IGSF5: variants seen among roughly 807,000 people sequenced by gnomAD.
The protein encoded by IGSF5 is immunoglobulin superfamily 5 like.
Under a neutral mutation model 39.4 loss-of-function variants are expected in IGSF5, and 41 were observed. The observed-to-expected ratio is 1.04, with a 90% confidence interval of 0.81 to 1.35. The LOEUF is 1.35. Ranked by LOEUF, IGSF5 falls within the 40% of genes most tolerant of loss-of-function variation. The pLI is 0.00. For synonymous variants in IGSF5, 183 were observed against 175.3 expected (o/e 1.04, Z -0.34); for missense variants, 487 against 494.6 (o/e 0.98, Z 0.15).
intron 2 of IGSF5, among the ~76,000 whole-genome samples, chr21:39,762,723 T>C (rs1450881147): frequency 6.6e-6 from 1 of 152,222 alleles, no homozygotes; most frequent in Non-Finnish European, 1.5e-5. Context: ...TTACCTGTCA[T>C]GTGATGCTAT....
At chr21:39,761,219 C>G (rs2080060186) in intron 2 of IGSF5, among the ~76,000 whole-genome samples, 1 of 152,200 alleles carries the variant, frequency 6.6e-6, no homozygotes, top group Non-Finnish European at 1.5e-5. Flanking sequence ...AAGAATAAAA[C>G]TAGGCCCTTA....
At chr21:39,780,021 T>G (rs1040075058) in intron 5 of IGSF5, among the ~76,000 whole-genome samples, 2 of 152,170 alleles carry the variant, frequency 1.3e-5, no homozygotes, top group African/African-American at 4.8e-5. Context: ...ATTGTGTACT[T>G]GAAAATTGCT....
chr21:39,727,259 C>A, the IGSF5 span, among the ~76,000 whole-genome samples: 2 of 152,226 alleles, frequency 1.3e-5, no homozygotes, highest in African/African-American at 2.4e-5. Flanking sequence ...CTGAGGTTCA[C>A]AGTAAAGGTT....
At chr21:39,777,924 G>C (rs2080149189) in intron 4 of IGSF5, among the ~76,000 whole-genome samples, 1 of 152,122 alleles carries the variant, frequency 6.6e-6, no homozygotes, top group African/African-American at 2.4e-5. Flanking sequence ...GATGGCCATT[G>C]ATTTCAAAGC....
At chr21:39,712,867 T>C in the IGSF5 span, among the ~76,000 whole-genome samples, 2 of 152,170 alleles carry the variant, frequency 1.3e-5, no homozygotes, top group African/African-American at 4.8e-5. Context: ...TTTGAATTTT[T>C]CTTCTTGTAA....
intron 2 of IGSF5, among the ~76,000 whole-genome samples, chr21:39,762,763 C>T (rs1077590): frequency 0.81 from 122,350 of 151,604 alleles, 49,536 homozygotes; most frequent in Admixed American, 0.85. Context: ...GCAGCCCCCA[C>T]TATATAGTGT....
At chr21:39,754,989 A>G (rs561469984) in intron 2 of IGSF5, among the ~76,000 whole-genome samples, 3 of 152,260 alleles carry the variant, frequency 2.0e-5, no homozygotes, top group Non-Finnish European at 2.9e-5. Context: ...TCTTTCATAC[A>G]GAGATGAAAT....
At chr21:39,739,154 T>A in the IGSF5 span, among the ~76,000 whole-genome samples, 1 of 152,064 alleles carries the variant, frequency 6.6e-6, no homozygotes, top group Non-Finnish European at 1.5e-5. Flanking sequence ...GATCTTGAAC[T>A]CCTGACCTCA....
the IGSF5 span, among the ~76,000 whole-genome samples, chr21:39,711,883 C>T: frequency 1.3e-5 from 2 of 152,132 alleles, no homozygotes; most frequent in Admixed American, 1.3e-4. Context: ...CAGATGGTGA[C>T]ACCTTTTCTT....
the IGSF5 span, among the ~76,000 whole-genome samples, chr21:39,712,672 C>T: frequency 1.3e-5 from 2 of 152,132 alleles, no homozygotes; most frequent in Admixed American, 6.5e-5. Flanking sequence ...TTCATTGGGC[C>T]ACTACTGGAG....
chr21:39,777,938 C>A (rs992937493), intron 4 of IGSF5, among the ~76,000 whole-genome samples: 1 of 152,154 alleles, frequency 6.6e-6, no homozygotes, highest in Non-Finnish European at 1.5e-5. Context: ...TCAAAGCAAA[C>A]CCCATGTTCC....
the IGSF5 span, among the ~76,000 whole-genome samples, chr21:39,723,180 C>T: frequency 6.6e-6 from 1 of 152,196 alleles, no homozygotes; most frequent in African/African-American, 2.4e-5. Context: ...AGGGCCTCAT[C>T]TGAAGGCTCC....
chr21:39,792,702 A>G (rs967454054), intron 7 of IGSF5, among the ~76,000 whole-genome samples: 2 of 152,168 alleles, frequency 1.3e-5, no homozygotes, highest in Non-Finnish European at 2.9e-5. Context: ...CTGGAAAACT[A>G]GACCTACTTT....
At chr21:39,772,690 T>A (rs1214336877) in intron 4 of IGSF5, among the ~76,000 whole-genome samples, 3 of 152,224 alleles carry the variant, frequency 2.0e-5, no homozygotes, top group Non-Finnish European at 2.9e-5. Context: ...GCAAGATGCC[T>A]CTCAATTTGG....
upstream of IGSF5, among the ~76,000 whole-genome samples, chr21:39,743,506 C>G (rs1057127284): frequency 6.6e-6 from 1 of 152,190 alleles, no homozygotes; most frequent in Non-Finnish European, 1.5e-5. Context: ...CTCCTCCTCC[C>G]GCTGCTTGGA....
At chr21:39,791,861 C>G (rs2086967302) in intron 6 of IGSF5, 147 bp from the exon 7 acceptor site, 7 of 597,712 alleles carry the variant, frequency 1.2e-5, no homozygotes, top group African/African-American at 1.9e-5. Context: ...AACGCAGCGG[C>G]AAAGCTATGG....
At chr21:39,744,622 A>T (rs905262630), upstream of IGSF5, among the ~76,000 whole-genome samples, 1 of 152,212 alleles carries the variant, frequency 6.6e-6, no homozygotes, top group Non-Finnish European at 1.5e-5. Context: ...ATTAAGATGT[A>T]AATCCCCTGT....
At chr21:39,784,445 A>C (rs1444785650) in intron 5 of IGSF5, among the ~76,000 whole-genome samples, 1 of 152,224 alleles carries the variant, frequency 6.6e-6, no homozygotes, top group Non-Finnish European at 1.5e-5. Context: ...GATATGCAGA[A>C]GGTGATTTTT....
chr21:39,800,009 G>T (rs1415618609), intron 8 of IGSF5, among the ~76,000 whole-genome samples: 1 of 152,084 alleles, frequency 6.6e-6, no homozygotes, highest in Admixed American at 6.5e-5. Context: ...TTCTAGACAA[G>T]AGTTTCCCTG....
Sources: allele counts gnomAD v4.1 joint callset (sites outside exome capture counted in the v4.1 genomes callset), GRCh38; gene constraint gnomAD v4.1.1; transcripts MANE v1.5; gene names NCBI Gene and HGNC (gene_info 2026-07-23, HGNC 2026-07-21).